MAN2C1: variants seen among roughly 807,000 people sequenced by gnomAD.
The protein encoded by MAN2C1 is mannosidase alpha class 2C member 1.
MAN2C1 carries 111 observed loss-of-function variants against 126.9 expected under a neutral mutation model. The observed-to-expected ratio is 0.87, with a 90% CI of 0.75 to 1.02. MAN2C1 has a LOEUF of 1.02. Ranked by LOEUF, MAN2C1 falls within the 50% of genes least tolerant of loss-of-function variation. The pLI, the probability that MAN2C1 is intolerant of heterozygous loss-of-function variation, is 0.00. For missense variants in MAN2C1, 1,363 were observed against 1,364.4 expected (o/e 1.00, Z 0.02); for synonymous variants, 567 against 561.5 (o/e 1.01, Z -0.14).
In MAN2C1 at chr15:75,361,971, C is replaced by G; in HGVS notation, c.1009-24G>C. 2 of 1,566,590 alleles carry G rather than the reference C, an allele frequency of 1.3e-6. No individual in the cohort carries two copies. The highest frequency in any genetic ancestry group is 1.8e-6 in the Non-Finnish European group (2 of 1,137,306). ...TCCTGGCAGTGAAGGAAGTGGGAGG[C>G]AGCCCAGGTCAGCGCTGGACGGGGA... On this transcript the variant is annotated intron_variant, in intron 8 of 25. Transcript: ENST00000267978. The surrounding 1 kb of genome is among the most constrained non-coding windows in gnomAD (Gnocchi z 5.0).
In MAN2C1 at chr15:75,356,320, A is replaced by G. The variant is rs1567268558; in HGVS notation, c.2867T>C (p.Val956Ala). The G allele has an allele frequency of 2.5e-6, 4 of 1,611,250 alleles. No individual in the cohort carries two copies. The highest frequency in any genetic ancestry group is 1.3e-5 in the African/African-American group (1 of 74,376). ...CCTTGCCTGCTTGACGGTCTCCAAT[A>G]CGACCGCGGGTGAAGACACGGAAAA... ...SAFSVSSPAV[V>A]LETVKQAESS... Residue 956 changes from valine to alanine, a missense_variant, in exon 24 of 26, where the codon GTA (valine) becomes GCA (alanine). Physicochemically the swap from Val to Ala is moderately conservative, Grantham distance 64. Around this residue, in one of 3 missense-constraint regions of MAN2C1, gnomAD observed 668 missense variants for 650.1 expected, o/e 1.03. Transcript: ENST00000267978. The surrounding 1 kb of genome is among the most constrained non-coding windows in gnomAD (Gnocchi z 5.8).
Position 75,362,604 on chromosome 15 carries a change from C to T in MAN2C1, c.897+38G>A, listed in dbSNP as rs753952624. 5 of 1,596,780 alleles carry T rather than the reference C, an allele frequency of 3.1e-6. No homozygotes were observed. Among genetic ancestry groups the T allele is most frequent in the African/African-American group, 1.3e-5 (1 of 74,646 alleles). On this transcript the variant is annotated intron_variant, in intron 7 of 25. Transcript: ENST00000267978. The surrounding 1 kb of genome is among the most constrained non-coding windows in gnomAD (Gnocchi z 4.5). ...GGGCCTGTGGAGCTCCAGGGAGGGC[C>T]ACGTGCTTCCCTCCTCCCTCACAGC...
intron 14 of MAN2C1, 34 bp from the exon 15 acceptor site, chr15:75,360,022 G>C: frequency 6.2e-7 from 1 of 1,613,984 alleles, no homozygotes; most frequent in Non-Finnish European, 8.5e-7. Flanking sequence ...GGGAAGGCTG[G>C]GAGGGGCAGG....
At chr15:75,363,895 G>A in intron 6 of MAN2C1, 104 bp downstream of exon 6, 1 of 1,292,484 alleles carries the variant, frequency 7.7e-7, no homozygotes, top group South Asian at 1.3e-5. Flanking sequence ...GCAGGTCCAA[G>A]AGGAGCAAGA....
chr15:75,356,880 T>C lies in MAN2C1; in HGVS notation c.2570A>G (p.Asp857Gly). Reference protein sequence around the residue: ...RFEVWAHRWMDLSEHGFGLAL... With the variant: ...RFEVWAHRWMGLSEHGFGLAL... ...CAGCCCAAAGCCGTGTTCTGACAGA[T>C]CCATCCAGCGATGGGCCCACACCTG... Residue 857 changes from aspartate to glycine, a missense_variant, in exon 22 of 26, where the codon GAT becomes GGT. Physicochemically the swap from Asp to Gly is moderately conservative, Grantham distance 94. Transcript: ENST00000267978. The surrounding 1 kb of genome is among the most constrained non-coding windows in gnomAD (Gnocchi z 5.8). 1.2e-6 allele frequency: 2 copies of C among 1,613,790 alleles called. No individual in the cohort carries two copies. Among genetic ancestry groups the C allele is most frequent in the Non-Finnish European group, 1.7e-6 (2 of 1,179,728 alleles).
intron 4 of MAN2C1, 51 bp downstream of exon 4, chr15:75,366,471 A>C (rs974080343): frequency 1.3e-6 from 2 of 1,534,156 alleles, no homozygotes; most frequent in African/African-American, 2.7e-5. Flanking sequence ...CTCCTTGCTC[A>C]CTGGTACTCC....
At position 75,368,070 on chromosome 15, in the gene MAN2C1, T is replaced by C; in HGVS notation, c.227+3A>G. ...CCCCGCCCACCCGCTGGGCGTTACCTACGTGGGTCCGAAGCTGTCGCCGAC... is the reference window on the plus strand; with the variant it reads ...CCCCGCCCACCCGCTGGGCGTTACCCACGTGGGTCCGAAGCTGTCGCCGAC... On this transcript the variant is annotated splice_donor_region_variant and intron_variant, in intron 2 of 25. Transcript: ENST00000267978. The C allele has an allele frequency of 6.2e-7, 1 of 1,604,958 alleles. No homozygotes were observed. The highest frequency in any genetic ancestry group is 8.5e-7 in the Non-Finnish European group (1 of 1,176,978).
At position 75,362,654 on chromosome 15, in the gene MAN2C1, A is replaced by C. The variant is rs778977181; in HGVS notation, c.885T>G (p.Phe295Leu). ...CTGTCCCTCTGACCTGGGAGCAGGC[A>C]AAGATGAACTCAGGGTTCCGCTCCA... ...QLMERNPEFI[F>L]ACSQAQQLEW... Residue 295 changes from phenylalanine to leucine, a missense_variant, in exon 7 of 26, where the codon TTT (phenylalanine) becomes TTG (leucine). Coordinates refer to ENST00000267978, the MANE Select transcript of MAN2C1 (RefSeq NM_006715.4). This position sits in a 1 kb window ranked among gnomAD's most constrained non-coding sequence, Gnocchi z 4.5. The C allele has an allele frequency of 3.0e-5, 49 of 1,613,970 alleles. No individual in the cohort carries two copies. The highest frequency in any genetic ancestry group is 4.0e-5 in the Non-Finnish European group (47 of 1,180,010).
At position 75,356,258 on chromosome 15, in the gene MAN2C1, G is replaced by GGCCCA. The variant is rs1236018117; in HGVS notation, c.2886+38_2887-40dup. ...CGTCTGGTGGGAGGGGCCGAGGGCA[G>GGCCCA]GCCCAGTTCGGAACCCCGTCCCCAG... is the stretch of plus-strand genomic sequence containing the variant. On this transcript the variant is annotated intron_variant, in intron 24 of 25. Transcript: ENST00000267978. This position sits in a 1 kb window ranked among gnomAD's most constrained non-coding sequence, Gnocchi z 5.8. The GGCCCA allele has an allele frequency of 6.2e-7, 1 of 1,612,206 alleles. No homozygotes were observed. Among genetic ancestry groups the GGCCCA allele is most frequent in the Non-Finnish European group, 8.5e-7 (1 of 1,179,342 alleles).
In MAN2C1 at chr15:75,364,511, C is replaced by T; in HGVS notation, c.577G>A (p.Glu193Lys). The T allele has an allele frequency of 6.3e-7, 1 of 1,599,192 alleles. No individual in the cohort carries two copies. Residue 193 changes from glutamate to lysine, a missense_variant, in exon 5 of 26, where the codon GAG (glutamate) becomes AAG (lysine). By Grantham distance (56) the Glu-to-Lys change is moderately conservative. Around this residue, in one of 3 missense-constraint regions of MAN2C1, gnomAD observed 628 missense variants for 609.8 expected, o/e 1.03. Coordinates refer to ENST00000267978, the MANE Select transcript of MAN2C1 (RefSeq NM_006715.4). ...ACCTTGGCTATGCCCAGCAGCAGCTCCAGATCCACCAGGAGCATGTGGACA... is the reference window on the plus strand; with the variant it reads ...ACCTTGGCTATGCCCAGCAGCAGCTTCAGATCCACCAGGAGCATGTGGACA... Reference protein sequence around the residue: ...RDVHMLLVDLELLLGIAKGLG... With the variant: ...RDVHMLLVDLKLLLGIAKGLG...
rs754065847 is a variant in MAN2C1 at position 75,364,222 on chromosome 15, C to T, written c.601-34G>A. 13 of 1,576,886 alleles carry T rather than the reference C, an allele frequency of 8.2e-6. 1 individual carries two copies. In the South Asian group the frequency reaches 1.5e-4, roughly 18 times the overall value. ...GGGTTCTGCCCCTTAATCCCTTTTT[C>T]AAGCACAGCTTCCAGACCTAGGCTC... On this transcript the variant is annotated intron_variant, in intron 5 of 25. Transcript: ENST00000267978.
Position 75,359,039 on chromosome 15 carries a change from G to C in MAN2C1, c.2141+20C>G, listed in dbSNP as rs747175397. 6.2e-7 allele frequency: 1 copy of C among 1,612,974 alleles called. No homozygotes were observed. Among genetic ancestry groups the C allele is most frequent in the East Asian group, 2.2e-5 (1 of 44,882 alleles). Reference sequence around the variant, plus strand: ...GGTCTACTTGCCAGGCACTGGGAAAGGGCAATGAGGATTTGGCACCTGCCA... The same window carrying C: ...GGTCTACTTGCCAGGCACTGGGAAACGGCAATGAGGATTTGGCACCTGCCA... On this transcript the variant is annotated intron_variant, in intron 18 of 25. Coordinates refer to ENST00000267978, the MANE Select transcript of MAN2C1 (RefSeq NM_006715.4).
chr15:75,364,186 G>T lies in MAN2C1; in HGVS notation c.603C>A (p.Gly201=), dbSNP rs373133314. Residue 201 remains glycine (G), a splice_region_variant and synonymous_variant, in exon 6 of 26, where the codon GGC becomes GGA. Coordinates refer to ENST00000267978, the MANE Select transcript of MAN2C1 (RefSeq NM_006715.4). ...DLELLLGIAK[G]LGKDNQRSFQ... ...AGCTGCGCTGGTTGTCCTTCCCGAG[G>T]CCCTGCAGCAGGGTTCTGCCCCTTA... 5.2e-5 allele frequency: 84 copies of T among 1,609,222 alleles called. No homozygotes were observed. The highest frequency in any genetic ancestry group is 6.6e-5 in the Non-Finnish European group (78 of 1,178,336).
At chr15:75,367,740 T>TGTCACAAGGTACTCAGCTTTGA in intron 2 of MAN2C1, 106 bp from the exon 3 acceptor site, 1 of 1,401,898 alleles carries the variant, frequency 7.1e-7, no homozygotes, top group African/African-American at 1.4e-5. Context: ...GCATCTGCAG[T>TGTCACAAGGTACTCAGCTTTGA]GTCACAAGGT....
chr15:75,358,874 G>T, intron 18 of MAN2C1, 66 bp from the exon 19 acceptor site: 1 of 1,435,822 alleles, frequency 7.0e-7, no homozygotes, highest in Non-Finnish European at 9.7e-7. Context: ...GCTCTTGGTG[G>T]GGTAGGGTGG....
Position 75,361,922 on chromosome 15 carries a change from GC to G in MAN2C1, c.1033del (p.Ala345ProfsTer3), listed in dbSNP as rs1567281035. ...EMDGNLPSGE[A>X]MVRQFLQGQN... ...GCCCTGCAAAAACTGCCTCACCATG[GC>G]CTCTCCACTGGGCAGGTTCCCATCC... On this transcript the variant is annotated frameshift_variant, in exon 9 of 26. Coordinates refer to ENST00000267978, the MANE Select transcript of MAN2C1 (RefSeq NM_006715.4). LOFTEE classifies it high-confidence loss of function. This position sits in a 1 kb window ranked among gnomAD's most constrained non-coding sequence, Gnocchi z 5.0. 1 of 1,614,048 alleles carries G rather than the reference GC, an allele frequency of 6.2e-7. No individual in the cohort carries two copies. The highest frequency in any genetic ancestry group is 1.7e-5 in the Admixed American group (1 of 60,032).
In MAN2C1 at chr15:75,361,319, G is replaced by A. The variant is rs778709545; in HGVS notation, c.1281C>T (p.Gly427=). The A allele has an allele frequency of 2.5e-5, 39 of 1,568,744 alleles. No homozygotes were observed. In the East Asian group the frequency reaches 3.3e-4, roughly 13 times the overall value. ...CGCTGCCCTGCATCCCATAGGAGTCGCCAGGTGGGAAGTGGACCAGTACAC... is the reference window on the plus strand; with the variant it reads ...CGCTGCCCTGCATCCCATAGGAGTCACCAGGTGGGAAGTGGACCAGTACAC... ...GSRVLVHFPP[G]DSYGMQGSVE... The change falls in exon 11 of 26, where the codon GGC becomes GGT. Residue 427 remains glycine, a synonymous_variant. Transcript: ENST00000267978. This position sits in a 1 kb window ranked among gnomAD's most constrained non-coding sequence, Gnocchi z 5.0.
In MAN2C1 at chr15:75,366,602, A is replaced by G. The variant is rs779384440; in HGVS notation, c.352-10T>C. The stretch of plus-strand genomic sequence containing the variant: ...CCTCTTTGGTTAAACCCTAGTAGGG[A>G]GGGGAGTGAGAGAGACAAGGCTTGA... On this transcript the variant is annotated splice_polypyrimidine_tract_variant and intron_variant, in intron 3 of 25. Coordinates refer to ENST00000267978, the MANE Select transcript of MAN2C1 (RefSeq NM_006715.4). 3.1e-6 allele frequency: 5 copies of G among 1,605,174 alleles called. No homozygotes were observed. Among genetic ancestry groups the G allele is most frequent in the Middle Eastern group, 1.7e-4 (1 of 6,048 alleles).
At chr15:75,366,064 GCGA>G in intron 4 of MAN2C1, 1 of 323,652 alleles carries the variant, frequency 3.1e-6, no homozygotes, top group South Asian at 2.4e-5. Flanking sequence ...TCCAGCATCG[GCGA>G]CAGAGGGAGA....
Sources: allele counts gnomAD v4.1 joint callset, GRCh38; gene constraint gnomAD v4.1.1; regional missense constraint gnomAD v4.1.1; non-coding constraint Gnocchi (gnomAD v3.1); transcripts MANE v1.5; gene names NCBI Gene and HGNC (gene_info 2026-07-23, HGNC 2026-07-21).